The following CMIP variants were observed in gnomAD, a reference collection of about 807,000 sequenced individuals.
CMIP encodes the protein c-Maf inducing protein.
Under a neutral mutation model 97.3 loss-of-function variants are expected in CMIP, and 13 were observed. The observed-to-expected ratio is 0.13, with a 90% CI of 0.09 to 0.21. The LOEUF is 0.21. Among genes scored for constraint, CMIP ranks in the 10% least tolerant of loss-of-function variants. The pLI is 1.00. For missense variants in CMIP, 847 were observed against 1,024.9 expected (o/e 0.83, Z 2.37); for synonymous variants, 538 against 436.3 (o/e 1.23, Z -2.91).
chr16:81,555,001 C>T (rs1314267990), intron 1 of CMIP, among the ~76,000 whole-genome samples: 10 of 152,286 alleles, frequency 6.6e-5, no homozygotes, highest in South Asian at 6.2e-4. Flanking sequence ...AAGTCTGCCT[C>T]GACACACCCC....
intron 18 of CMIP, 141 bp downstream of exon 18, chr16:81,704,226 CTCCCTGCCCCCCTTACTCTCCT>C: frequency 3.6e-6 from 2 of 558,760 alleles, no homozygotes; most frequent in Non-Finnish European, 6.3e-6. Flanking sequence ...CCTCCCCCTC[CTCCCTGCCCCCCTTACTCTCCT>C]CCCTGCCCCT....
At chr16:81,465,208 A>G (rs141869026) in intron 1 of CMIP, among the ~76,000 whole-genome samples, 2 of 152,336 alleles carry the variant, frequency 1.3e-5, no homozygotes, top group Non-Finnish European at 2.9e-5. Context: ...ACAGCCAGAG[A>G]TGATAATTAA....
At chr16:81,557,780 T>C (rs2090795167) in intron 1 of CMIP, among the ~76,000 whole-genome samples, 1 of 152,134 alleles carries the variant, frequency 6.6e-6, no homozygotes, top group African/African-American at 2.4e-5. Context: ...AACAAGACAA[T>C]TGTGGTGAAA....
chr16:81,458,057 C>T (rs1597447125), intron 1 of CMIP, among the ~76,000 whole-genome samples: 1 of 152,190 alleles, frequency 6.6e-6, no homozygotes, highest in East Asian at 1.9e-4. Context: ...GAGAAATTAG[C>T]ATTAGAAAGT....
intron 1 of CMIP, among the ~76,000 whole-genome samples, chr16:81,572,386 T>C (rs552022176): frequency 1.3e-5 from 2 of 152,008 alleles, no homozygotes; most frequent in Non-Finnish European, 2.9e-5. Flanking sequence ...TGTGCTGGGG[T>C]AGGGTGGGGG....
chr16:81,584,191 G>A (rs2091343060), intron 1 of CMIP, among the ~76,000 whole-genome samples: 2 of 152,150 alleles, frequency 1.3e-5, no homozygotes, highest in Admixed American at 1.3e-4. Context: ...AGCACCAGGT[G>A]GTGGGTTCAG....
In CMIP at chr16:81,652,587, G is replaced by A. The variant is rs2092440690; in HGVS notation, c.639+223G>A. ...GTGCTGTCTGGGGATTGTAGGCACCGAAGAGGAGGTGTTGCCCCGTGCAGT... is the reference window on the plus strand; with the variant it reads ...GTGCTGTCTGGGGATTGTAGGCACCAAAGAGGAGGTGTTGCCCCGTGCAGT... On this transcript the variant is annotated intron_variant, in intron 4 of 20. Coordinates refer to ENST00000537098, the MANE Select transcript of CMIP (RefSeq NM_198390.3). This position sits in a 1 kb window ranked among gnomAD's most constrained non-coding sequence, Gnocchi z 5.2. 6.6e-6 allele frequency among the ~76,000 whole-genome samples: 1 copy of A among 152,114 alleles called. No homozygotes were observed. The highest frequency in any genetic ancestry group is 1.9e-4 in the East Asian group (1 of 5,184).
At chr16:81,553,914 T>G (rs930500667) in intron 1 of CMIP, among the ~76,000 whole-genome samples, 1 of 152,226 alleles carries the variant, frequency 6.6e-6, no homozygotes, top group African/African-American at 2.4e-5. Flanking sequence ...CCACATTCTT[T>G]GGTGGTCTAA....
chr16:81,599,621 T>C (rs115350965), intron 1 of CMIP, among the ~76,000 whole-genome samples: 2,888 of 152,140 alleles, frequency 0.019, 23 homozygotes, highest in Middle Eastern at 0.031. Flanking sequence ...GGTACACAAA[T>C]TGGAGTTTGC....
chr16:81,534,548 G>A (rs971329802), intron 1 of CMIP, among the ~76,000 whole-genome samples: 3 of 151,592 alleles, frequency 2.0e-5, no homozygotes, highest in Non-Finnish European at 4.4e-5. Flanking sequence ...TTTTTCTGTG[G>A]TCAGAGTTGA....
At chr16:81,640,833 C>G (rs1222818030) in intron 3 of CMIP, among the ~76,000 whole-genome samples, 4 of 151,984 alleles carry the variant, frequency 2.6e-5, no homozygotes, top group Admixed American at 2.6e-4. Flanking sequence ...AGGGCCAACT[C>G]TAATCCAGTA....
intron 1 of CMIP, among the ~76,000 whole-genome samples, chr16:81,460,008 AG>A (rs1236599593): frequency 6.6e-6 from 1 of 152,140 alleles, no homozygotes; most frequent in Non-Finnish European, 1.5e-5. Context: ...GGGGAAGGGA[AG>A]TTCCTTTCCT....
chr16:81,568,039 G>GTGTGTGGT (rs10629229), intron 1 of CMIP, among the ~76,000 whole-genome samples: 1 of 82,546 alleles, frequency 1.2e-5, no homozygotes, highest in Non-Finnish European at 2.3e-5. Flanking sequence ...GTGTGTGTGT[G>GTGTGTGGT]TTTTTTTTTT....
intron 1 of CMIP, among the ~76,000 whole-genome samples, chr16:81,564,436 C>A (rs2150877618): frequency 6.6e-6 from 1 of 152,330 alleles, no homozygotes; most frequent in South Asian, 2.1e-4. Context: ...AACCACAAAG[C>A]TATTACAGAG....
chr16:81,454,394 A>C (rs1417576123), intron 1 of CMIP, among the ~76,000 whole-genome samples: 2 of 152,178 alleles, frequency 1.3e-5, no homozygotes, highest in African/African-American at 2.4e-5. Flanking sequence ...ATGTATATGC[A>C]CCTGGTAGAT....
intron 1 of CMIP, among the ~76,000 whole-genome samples, chr16:81,569,843 C>A (rs532857163): frequency 2.9e-4 from 44 of 152,182 alleles, no homozygotes; most frequent in African/African-American, 1.1e-3. Context: ...GCAGTATTTG[C>A]TGCATAGGGT....
At chr16:81,554,061 A>C (rs1012467907) in intron 1 of CMIP, among the ~76,000 whole-genome samples, 7 of 152,248 alleles carry the variant, frequency 4.6e-5, no homozygotes, top group Non-Finnish European at 8.8e-5. Flanking sequence ...GGCCCTCTGT[A>C]CTTTCCATTT....
chr16:81,657,954 A>C (rs2092503395), intron 5 of CMIP, 138 bp downstream of exon 5: 2 of 659,606 alleles, frequency 3.0e-6, no homozygotes, highest in African/African-American at 3.7e-5. Context: ...TTTTCTAGCA[A>C]GCCGGACGCA....
chr16:81,700,791 G>A (rs1247247257), intron 15 of CMIP, among the ~76,000 whole-genome samples: 1 of 152,216 alleles, frequency 6.6e-6, no homozygotes, highest in African/African-American at 2.4e-5. Context: ...GGAGCCAAGG[G>A]GCAAGAGGTC....
Sources: allele counts gnomAD v4.1 joint callset (sites outside exome capture counted in the v4.1 genomes callset), GRCh38; gene constraint gnomAD v4.1.1; non-coding constraint Gnocchi (gnomAD v3.1); transcripts MANE v1.5; gene names NCBI Gene and HGNC (gene_info 2026-07-23, HGNC 2026-07-21).